The following FOXRED2 variants were observed in gnomAD, a reference collection of about 807,000 sequenced individuals.
FOXRED2 encodes FAD dependent oxidoreductase domain containing 2, also known as FAD-dependent oxidoreductase domain-containing protein 2.
In FOXRED2, 32 loss-of-function variants were observed where a neutral mutation model predicts 52.5. The ratio of observed to expected loss-of-function variants is 0.61; its 90% CI spans 0.46 to 0.82. The LOEUF is 0.82. Among genes scored for constraint, FOXRED2 ranks in the 40% least tolerant of loss-of-function variants. The pLI is 0.00. For synonymous variants in FOXRED2, 405 were observed against 398.1 expected (o/e 1.02, Z -0.21); for missense variants, 848 against 937.5 (o/e 0.90, Z 1.25).
At position 36,487,642 on chromosome 22, in the gene FOXRED2, T is replaced by A. The variant is rs1364552406; in HGVS notation, c.*2366A>T. The A allele has an allele frequency of 6.6e-6, 1 of 152,198 alleles. No homozygotes were observed. The highest frequency in any genetic ancestry group is 1.5e-5 in the Non-Finnish European group (1 of 68,034). The allele number at this position is 152,198 out of a possible 1,614,324, so 9.4% of individuals were successfully genotyped here. On this transcript the variant is annotated 3_prime_UTR_variant, in exon 9 of 9. Coordinates refer to ENST00000397224, the MANE Select transcript of FOXRED2 (RefSeq NM_001102371.2). The stretch of plus-strand genomic sequence containing the variant: ...TCAGAACTCAATGTACTTAACAAAT[T>A]ACAGGCTAAAACCTTTGAAGAAGAA...
intron 4 of FOXRED2, among the ~76,000 whole-genome samples, chr22:36,502,192 C>CAAACAAAA (rs60077224): frequency 0.12 from 17,354 of 148,968 alleles, 1,287 homozygotes; most frequent in African/African-American, 0.18. Flanking sequence ...AACAAACAAA[C>CAAACAAAA]AATGAAGTCA....
rs1292620044 is a variant in FOXRED2, at chr22:36,506,334, C to A, written c.89G>T (p.Arg30Leu). 6.7e-7 allele frequency: 1 copy of A among 1,498,240 alleles called. No individual in the cohort carries two copies. Among genetic ancestry groups the A allele is most frequent in the Non-Finnish European group, 8.9e-7 (1 of 1,126,518 alleles). The allele number at this position is 1,498,240 out of a possible 1,614,324, so 92.8% of individuals were successfully genotyped here. A position where few individuals can be genotyped will look rare whatever the true frequency, so the allele number is the denominator to read the frequency against. The change falls in exon 2 of 9, where the codon CGC (arginine) becomes CTC (leucine). Residue 30 changes from arginine (R) to leucine (L), a missense_variant. Transcript: ENST00000397224. ...AGCGCCCAGCACGCAGTAGTCCCGG[C>A]GCGGGGGCACCGACAGCGCTGGGTG... ...ALHPALSVPP[R>L]RDYCVLGAGP...
rs1233501046 is a variant in FOXRED2, at chr22:36,506,438, A to C, written c.-1-15T>G. On this transcript the variant is annotated splice_polypyrimidine_tract_variant and intron_variant, in intron 1 of 8. Coordinates refer to ENST00000397224, the MANE Select transcript of FOXRED2 (RefSeq NM_001102371.2). ...AGAGGCCCATCCTGCAGCAGATCAGAGGGGTAAGGCCTCGCACCCGGCCCG... is the reference window on the plus strand; with the variant it reads ...AGAGGCCCATCCTGCAGCAGATCAGCGGGGTAAGGCCTCGCACCCGGCCCG... 1.4e-6 allele frequency: 2 copies of C among 1,430,678 alleles called. No homozygotes were observed. The highest frequency in any genetic ancestry group is 1.8e-6 in the Non-Finnish European group (2 of 1,096,896). The allele number at this position is 1,430,678 out of a possible 1,614,324, so 88.6% of individuals were successfully genotyped here.
intron 8 of FOXRED2, among the ~76,000 whole-genome samples, chr22:36,490,954 G>A (rs1376802313): frequency 6.6e-6 from 1 of 152,170 alleles, no homozygotes; most frequent in African/African-American, 2.4e-5. Flanking sequence ...TTAGGACTTC[G>A]AGACCAGCCT....
intron 1 of FOXRED2, 40 bp from the exon 2 acceptor site, chr22:36,506,463 GGC>G (rs1420441978): frequency 2.9e-5 from 41 of 1,414,530 alleles, no homozygotes; most frequent in Non-Finnish European, 3.4e-5. Context: ...CACCCGGCCC[GGC>G]GGCTGGGAGA....
rs1333459998 is a variant in FOXRED2 at position 36,504,318 on chromosome 22, C to T, written c.829G>A (p.Gly277Arg). ...TCCGTCAGGTCAGACTCGAGCAGCCCGTCCAGGGACTTGAGCTGGTAGGTA... is the reference window on the plus strand; with the variant it reads ...TCCGTCAGGTCAGACTCGAGCAGCCTGTCCAGGGACTTGAGCTGGTAGGTA... The part of the protein sequence containing the change: ...LDTYQLKSLD[G>R]LLESDLTDLA... The change falls in exon 4 of 9, where the codon GGG becomes AGG. Residue 277 changes from glycine (G) to arginine (R), a missense_variant. Physicochemically the swap from Gly to Arg is moderately radical, Grantham distance 125 (BLOSUM62 -2). Coordinates refer to ENST00000397224, the MANE Select transcript of FOXRED2 (RefSeq NM_001102371.2). 3 of 1,614,130 alleles carry T rather than the reference C, an allele frequency of 1.9e-6. No individual in the cohort carries two copies. The highest frequency in any genetic ancestry group is 2.5e-6 in the Non-Finnish European group (3 of 1,180,034).
chr22:36,496,282 T>A (rs1933895776), intron 6 of FOXRED2, 74 bp from the exon 7 acceptor site: 1 of 1,574,374 alleles, frequency 6.4e-7, no homozygotes, highest in South Asian at 1.1e-5. Context: ...GGGGTGAGCA[T>A]GTGTGTGTGC....
Position 36,498,132 on chromosome 22 carries a change from T to G in FOXRED2, c.1241A>C (p.Glu414Ala). Reference sequence around the variant, plus strand: ...CCAGGTGACGCTGTGGTGGCGGTGCTCCAGGAGCCGGTGAACAGCACGCAC... The same window carrying G: ...CCAGGTGACGCTGTGGTGGCGGTGCGCCAGGAGCCGGTGAACAGCACGCAC... ...YTVRAVHRLL[E>A]HRHHSVTWPA... Residue 414 changes from glutamate (E) to alanine (A), a missense_variant, in exon 6 of 9, where the codon GAG becomes GCG. Physicochemically the swap from Glu to Ala is moderately radical, Grantham distance 107. Coordinates refer to ENST00000397224, the MANE Select transcript of FOXRED2 (RefSeq NM_001102371.2). 5.6e-6 allele frequency: 9 copies of G among 1,611,754 alleles called. No homozygotes were observed. Among genetic ancestry groups the G allele is most frequent in the Non-Finnish European group, 7.6e-6 (9 of 1,179,924 alleles).
In FOXRED2 at chr22:36,498,142, G is replaced by A. The variant is rs143694562; in HGVS notation, c.1231C>T (p.Arg411Trp). 3.9e-5 allele frequency: 63 copies of A among 1,611,162 alleles called. No homozygotes were observed. The highest frequency in any genetic ancestry group is 5.1e-5 in the Non-Finnish European group (60 of 1,179,874). Reference sequence around the variant, plus strand: ...CTGTGGTGGCGGTGCTCCAGGAGCCGGTGAACAGCACGCACTGGAACAGCC... The same window carrying A: ...CTGTGGTGGCGGTGCTCCAGGAGCCAGTGAACAGCACGCACTGGAACAGCC... Reference protein sequence around the residue: ...GFRYTVRAVHRLLEHRHHSVT... With the variant: ...GFRYTVRAVHWLLEHRHHSVT... Residue 411 changes from arginine (R) to tryptophan (W), a missense_variant, in exon 6 of 9, where the codon CGG becomes TGG. Arg to Trp is a moderately radical substitution (Grantham distance 101, BLOSUM62 -3). Coordinates refer to ENST00000397224, the MANE Select transcript of FOXRED2 (RefSeq NM_001102371.2).
chr22:36,501,686 C>T (rs1934054653), intron 4 of FOXRED2, among the ~76,000 whole-genome samples: 1 of 152,070 alleles, frequency 6.6e-6, no homozygotes, highest in African/African-American at 2.4e-5. Context: ...GTCTCGATGT[C>T]CTGACCTTAG....
chr22:36,506,197 G>C lies in FOXRED2; in HGVS notation c.226C>G (p.Arg76Gly). Residue 76 changes from arginine to glycine, a missense_variant, in exon 2 of 9, where the codon CGC (arginine) becomes GGC (glycine). Arg to Gly is a moderately radical substitution (Grantham distance 125). Transcript: ENST00000397224. The stretch of plus-strand genomic sequence containing the variant: ...CGCTTGTTGATGCTGATGAGCTTGC[G>C]GTGCCGCGGGTAGCGTGTGAAGAAG... Reference protein sequence around the residue: ...GSFFTRYPRHRKLISINKRYT... With the variant: ...GSFFTRYPRHGKLISINKRYT... The C allele has an allele frequency of 6.2e-7, 1 of 1,614,164 alleles. No homozygotes were observed. Among genetic ancestry groups the C allele is most frequent in the Non-Finnish European group, 8.5e-7 (1 of 1,180,008 alleles).
At chr22:36,497,515 C>G (rs552631316) in intron 6 of FOXRED2, among the ~76,000 whole-genome samples, 249 of 152,256 alleles carry the variant, frequency 1.6e-3, no homozygotes, top group Non-Finnish European at 3.0e-3. Context: ...CCTGTCTCCC[C>G]CCGCCCCTCA....
At chr22:36,501,006 C>T (rs1261341963) in intron 5 of FOXRED2, among the ~76,000 whole-genome samples, 3 of 152,144 alleles carry the variant, frequency 2.0e-5, no homozygotes, top group African/African-American at 7.2e-5. Flanking sequence ...CCTCCTGCCT[C>T]AGCCTCCCAA....
chr22:36,490,855 A>T (rs1933737606), intron 8 of FOXRED2, among the ~76,000 whole-genome samples: 2 of 152,128 alleles, frequency 1.3e-5, no homozygotes, highest in Non-Finnish European at 2.9e-5. Context: ...GATACTTATC[A>T]TGTAGAAATA....
At position 36,489,962 on chromosome 22, in the gene FOXRED2, A is replaced by T. The variant is rs774478648; in HGVS notation, c.*46T>A. 1.1e-5 allele frequency: 16 copies of T among 1,508,764 alleles called. 1 individual carries two copies. Among genetic ancestry groups the T allele is most frequent in the Admixed American group, 4.4e-5 (2 of 45,352 alleles). 93.5% of individuals were successfully genotyped at this position (1,508,764 alleles called of 1,614,324 possible). ...GGAAAGAGGGACTGACCATGGGCCT[A>T]GGTGGGGAGGCCTGGCCACTGTGCC... On this transcript the variant is annotated 3_prime_UTR_variant, in exon 9 of 9. Coordinates refer to ENST00000397224, the MANE Select transcript of FOXRED2 (RefSeq NM_001102371.2).
intron 7 of FOXRED2, 73 bp from the exon 8 acceptor site, chr22:36,493,876 G>A (rs1287022232): frequency 1.6e-5 from 22 of 1,363,926 alleles, no homozygotes; most frequent in South Asian, 9.0e-5. Flanking sequence ...GACACAGCAC[G>A]GATCCCACAC....
chr22:36,505,110 G>C lies in FOXRED2; in HGVS notation c.528-344C>G, dbSNP rs376410012. ...GCAGTCAGACCAGGTATGACTGCTG[G>C]TGATGAAATGAAACCTGACATTCTA... is the stretch of plus-strand genomic sequence containing the variant. On this transcript the variant is annotated intron_variant, in intron 2 of 8. Transcript: ENST00000397224. Among the ~76,000 whole-genome samples the C allele has an allele frequency of 3.5e-4, 54 of 152,294 alleles. No homozygotes were observed. The South Asian group carries it at 4.3e-3, about 12-fold the overall frequency.
At chr22:36,501,512 G>C (rs1166728611) in intron 4 of FOXRED2, 105 bp from the exon 5 acceptor site, 2 of 1,113,438 alleles carry the variant, frequency 1.8e-6, no homozygotes, top group African/African-American at 3.1e-5. Flanking sequence ...CCAGGTTAGA[G>C]TACAATGGCG....
intron 5 of FOXRED2, among the ~76,000 whole-genome samples, chr22:36,500,540 T>C (rs1934015462): frequency 6.6e-6 from 1 of 152,168 alleles, no homozygotes; most frequent in South Asian, 2.1e-4. Context: ...TTTATACCCT[T>C]GGTACTGAGA....
Sources: gnomAD v4.1 joint callset for allele counts (sites outside exome capture counted in the v4.1 genomes callset) on GRCh38, gnomAD v4.1.1 for gene constraint, MANE v1.5 for transcripts, NCBI Gene and HGNC (gene_info 2026-07-23, HGNC 2026-07-21) for gene names.